PYGB: variants seen among roughly 807,000 people sequenced by gnomAD.
PYGB encodes the protein glycogen phosphorylase, brain form.
In PYGB, 82 loss-of-function variants were observed where a neutral mutation model predicts 94.3. The ratio of observed to expected loss-of-function variants is 0.87; its 90% confidence interval spans 0.73 to 1.04. The LOEUF (loss-of-function observed/expected upper bound fraction) is 1.04. PYGB is among the 50% of genes least tolerant of loss of function. The pLI is 0.00. For missense variants in PYGB, 1,132 were observed against 1,158.2 expected, an observed-to-expected ratio of 0.98 and a Z score of 0.33; for synonymous variants, 488 against 479.1, an observed-to-expected ratio of 1.02 and a Z score of -0.24.
chr20:25,265,285 AT>A (rs35189278), intron 2 of PYGB, among the ~76,000 whole-genome samples: 9,861 of 150,882 alleles, frequency 0.065, 993 homozygotes, highest in African/African-American at 0.22. Context: ...TCCATTCTTA[AT>A]TTTTTTTTTG....
At chr20:25,288,519 T>C in intron 15 of PYGB, 36 bp downstream of exon 15, 1 of 1,607,676 alleles carries the variant, frequency 6.2e-7, no homozygotes, top group South Asian at 1.1e-5. Context: ...TCTGTGGTGT[T>C]TGGTCTGGGG....
At chr20:25,291,030 G>A (rs754531582) in intron 16 of PYGB, among the ~76,000 whole-genome samples, 4 of 150,508 alleles carry the variant, frequency 2.7e-5, no homozygotes, top group Admixed American at 6.6e-5. Context: ...CCCCTCAGCC[G>A]TGTCTTCTGC....
chr20:25,271,327 A>G (rs1397399230), intron 3 of PYGB, 56 bp from the exon 4 acceptor site: 2 of 1,555,630 alleles, frequency 1.3e-6, no homozygotes, highest in Non-Finnish European at 1.8e-6. Context: ...CTGCCTCCGC[A>G]TGGGACCTTG....
chr20:25,278,582 G>C (rs1600733187), intron 8 of PYGB, 120 bp downstream of exon 8: 3 of 1,362,664 alleles, frequency 2.2e-6, no homozygotes, highest in East Asian at 2.5e-5. Flanking sequence ...CCTTGTCTTG[G>C]GGTCTCGTCA....
At position 25,248,186 on chromosome 20, in the gene PYGB, A is replaced by T; in HGVS notation, c.8A>T (p.Lys3Met). 4 of 1,590,650 alleles carry T rather than the reference A, an allele frequency of 2.5e-6. No individual in the cohort carries two copies. The highest frequency in any genetic ancestry group is 2.3e-5 in the East Asian group (1 of 42,758). ...TCCGCCTCCGCCGGCGCGATGGCGA[A>T]GCCGCTGACGGACAGCGAGAAGCGG... MA[K>M]PLTDSEKRKQ... is the part of the protein sequence containing the mutation. Residue 3 changes from lysine to methionine, a missense_variant, in exon 1 of 20, where the codon AAG (lysine) becomes ATG (methionine). Coordinates refer to ENST00000216962, the MANE Select transcript of PYGB (RefSeq NM_002862.4).
Position 25,290,464 on chromosome 20 carries a change from TC to T in PYGB, c.1828-16del. 1 of 1,599,738 alleles carries T rather than the reference TC, an allele frequency of 6.3e-7. No individual in the cohort carries two copies. The highest frequency in any genetic ancestry group is 8.6e-7 in the Non-Finnish European group (1 of 1,167,696). ...CAAGGCATTTTTGTGCTAAAAACCT[TC>T]ACCCTCTCCTTCCAGGCAGCGCCCG... On this transcript the variant is annotated splice_polypyrimidine_tract_variant and intron_variant, in intron 15 of 19. Transcript: ENST00000216962.
In PYGB at chr20:25,288,442, G is replaced by T; in HGVS notation, c.1786G>T (p.Ala596Ser). ...TCCTGCAGGAATCAAGAGAGACCCG[G>T]CCAAGGCTTTTGTGCCCAGGACTGT... ...TLYNRIKRDP[A>S]KAFVPRTVMI... is the part of the protein sequence containing the mutation. Residue 596 changes from alanine to serine, a missense_variant, in exon 15 of 20, where the codon GCC becomes TCC. Coordinates refer to ENST00000216962, the MANE Select transcript of PYGB (RefSeq NM_002862.4). 2 of 1,614,224 alleles carry T rather than the reference G, an allele frequency of 1.2e-6. No individual in the cohort carries two copies. Among genetic ancestry groups the T allele is most frequent in the Non-Finnish European group, 1.7e-6 (2 of 1,180,038 alleles).
intron 4 of PYGB, 137 bp downstream of exon 4, chr20:25,271,623 G>T: frequency 1.1e-6 from 1 of 909,602 alleles, no homozygotes; most frequent in South Asian, 1.5e-5. Flanking sequence ...TGTGGAGCAG[G>T]TCAGGGTAGC....
Position 25,248,294 on chromosome 20 carries a change from C to T in PYGB, c.116C>T (p.Thr39Met). 6.2e-7 allele frequency: 1 copy of T among 1,605,156 alleles called. No individual in the cohort carries two copies. Among genetic ancestry groups the T allele is most frequent in the Non-Finnish European group, 8.5e-7 (1 of 1,176,320 alleles). Residue 39 changes from threonine (T) to methionine (M), a missense_variant, in exon 1 of 20, where the codon ACG (threonine) becomes ATG (methionine). Transcript: ENST00000216962. ...AGCTTCAACCGGCACTTGCACTTCA[C>T]GCTGGTCAAGGACCGCAATGTGGCC... The part of the protein sequence containing the change: ...RKSFNRHLHF[T>M]LVKDRNVATP...
chr20:25,295,477 TG>T, intron 18 of PYGB, 126 bp from the exon 19 acceptor site: 1 of 1,067,426 alleles, frequency 9.4e-7, no homozygotes, highest in Non-Finnish European at 1.4e-6. Context: ...GCTGCGTGGG[TG>T]GGCCCCTTCG....
chr20:25,280,973 G>C lies in PYGB; in HGVS notation c.1264G>C (p.Asp422His). ...LDHVAALFPG[D>H]VDRLRRMSVI... ...GCACGTGGCCGCGCTGTTTCCCGGCGATGTGGACCGCCTGCGCAGGATGTC... is the reference window on the plus strand; with the variant it reads ...GCACGTGGCCGCGCTGTTTCCCGGCCATGTGGACCGCCTGCGCAGGATGTC... The change falls in exon 11 of 20, where the codon GAT becomes CAT. Residue 422 changes from aspartate (D) to histidine (H), a missense_variant. By Grantham distance (81) the Asp-to-His change is moderately conservative. Coordinates refer to ENST00000216962, the MANE Select transcript of PYGB (RefSeq NM_002862.4). 5 of 1,614,026 alleles carry C rather than the reference G, an allele frequency of 3.1e-6. No homozygotes were observed. Among genetic ancestry groups the C allele is most frequent in the Non-Finnish European group, 4.2e-6 (5 of 1,179,936 alleles).
chr20:25,290,544 G>C lies in PYGB; in HGVS notation c.1891G>C (p.Val631Leu). ...IKLVTSIGDVVNHDPVVGDRL... is the reference protein window; with the variant it reads ...IKLVTSIGDVLNHDPVVGDRL... ...GTTGGTCACCTCCATCGGCGACGTC[G>C]TCAATCATGACCCAGTTGTGGGTGA... Residue 631 changes from valine (V) to leucine (L), a missense_variant, in exon 16 of 20, where the codon GTC becomes CTC. Coordinates refer to ENST00000216962, the MANE Select transcript of PYGB (RefSeq NM_002862.4). The C allele has an allele frequency of 6.2e-7, 1 of 1,611,776 alleles. No homozygotes were observed. Among genetic ancestry groups the C allele is most frequent in the Non-Finnish European group, 8.5e-7 (1 of 1,177,940 alleles).
At chr20:25,252,710 G>A (rs1010892296) in intron 1 of PYGB, among the ~76,000 whole-genome samples, 50 of 152,360 alleles carry the variant, frequency 3.3e-4, no homozygotes, top group African/African-American at 1.2e-3. Flanking sequence ...CCCTCTGCAG[G>A]TGCCACTGTC....
At position 25,248,341 on chromosome 20, in the gene PYGB, G is replaced by A. The variant is rs2092876821; in HGVS notation, c.163G>A (p.Ala55Thr). Reference sequence around the variant, plus strand: ...GGCCACGCCCCGCGACTACTTCTTCGCGCTGGCGCACACGGTGCGCGACCA... The same window carrying A: ...GGCCACGCCCCGCGACTACTTCTTCACGCTGGCGCACACGGTGCGCGACCA... ...NVATPRDYFF[A>T]LAHTVRDHLV... is the part of the protein sequence containing the mutation. The change falls in exon 1 of 20, where the codon GCG (alanine) becomes ACG (threonine). Residue 55 changes from alanine to threonine, a missense_variant. Coordinates refer to ENST00000216962, the MANE Select transcript of PYGB (RefSeq NM_002862.4). 9 of 1,603,080 alleles carry A rather than the reference G, an allele frequency of 5.6e-6. No homozygotes were observed. Among genetic ancestry groups the A allele is most frequent in the Non-Finnish European group, 7.7e-6 (9 of 1,175,522 alleles).
chr20:25,273,757 G>C (rs751740940), intron 4 of PYGB, among the ~76,000 whole-genome samples: 2 of 149,826 alleles, frequency 1.3e-5, no homozygotes, highest in Non-Finnish European at 2.9e-5. Flanking sequence ...TTGTCTTCCT[G>C]GGTGCATCCA....
At chr20:25,264,027 T>TC (rs200304516) in intron 2 of PYGB, among the ~76,000 whole-genome samples, 9,874 of 152,230 alleles carry the variant, frequency 0.065, 987 homozygotes, top group African/African-American at 0.22. Flanking sequence ...GCAAAAATCA[T>TC]AGTAAAATAC....
chr20:25,284,183 A>G lies in PYGB; in HGVS notation c.1700A>G (p.His567Arg). ...KINPSSMFDVHVKRIHEYKRQ... is the reference protein window; with the variant it reads ...KINPSSMFDVRVKRIHEYKRQ... ...AACCCCTCCTCCATGTTCGATGTGC[A>G]TGTGAAGAGGATCCACGAGTACAAG... Residue 567 changes from histidine to arginine, a missense_variant, in exon 14 of 20, where the codon CAT becomes CGT. Coordinates refer to ENST00000216962, the MANE Select transcript of PYGB (RefSeq NM_002862.4). The G allele has an allele frequency of 1.2e-6, 2 of 1,614,066 alleles. No homozygotes were observed. The highest frequency in any genetic ancestry group is 1.7e-6 in the Non-Finnish European group (2 of 1,179,970).
chr20:25,271,347 C>T, intron 3 of PYGB, 36 bp from the exon 4 acceptor site: 3 of 1,603,474 alleles, frequency 1.9e-6, no homozygotes, highest in Non-Finnish European at 2.6e-6. Flanking sequence ...GGTGCCGTGC[C>T]TTTGATTCTG....
At position 25,281,103 on chromosome 20, in the gene PYGB, AAC is replaced by A; in HGVS notation, c.1396_1397del (p.Gln466ValfsTer4). The A allele has an allele frequency of 6.2e-7, 1 of 1,614,128 alleles. No homozygotes were observed. Among genetic ancestry groups the A allele is most frequent in the Non-Finnish European group, 8.5e-7 (1 of 1,179,982 alleles). ...GCGAGGATCCACTCGGAGATCGTGA[AAC>A]AGTCGGTGTGAGTGGGGCGCTTGCC... On this transcript the variant is annotated frameshift_variant, in exon 11 of 20. Transcript: ENST00000216962. LOFTEE classifies it high-confidence loss of function.
Sources: gnomAD v4.1 joint callset for allele counts (sites outside exome capture counted in the v4.1 genomes callset) on GRCh38, gnomAD v4.1.1 for gene constraint, MANE v1.5 for transcripts, NCBI Gene and HGNC (gene_info 2026-07-23, HGNC 2026-07-21) for gene names.